Variants in NLGN4X observed in about 807,000 individuals in gnomAD.
The protein encoded by NLGN4X is neuroligin 4 X-linked, also known as neuroligin-4, X-linked.
NLGN4X carries 3 observed loss-of-function variants against 40.3 expected under a neutral mutation model. The ratio of observed to expected loss-of-function variants is 0.07; its 90% CI spans 0.03 to 0.19. The LOEUF is 0.19. NLGN4X is among the 10% of genes least tolerant of loss of function. The pLI is 1.00. For synonymous variants in NLGN4X, 270 were observed against 306.8 expected, an observed-to-expected ratio of 0.88 and a Z score of 1.25; for missense variants, 382 against 708.3, an observed-to-expected ratio of 0.54 and a Z score of 5.23.
At chrX:5,967,372 C>T (rs1238530917) in intron 3 of NLGN4X, among the ~76,000 whole-genome samples, 1 of 111,909 alleles carries the variant, frequency 8.9e-6, no homozygotes, top group Non-Finnish European at 1.9e-5. Context: ...GGAACTAGAA[C>T]ATGCTTTGGA....
chrX:6,061,814 C>G (rs962294913), intron 2 of NLGN4X: 1 of 111,676 alleles, frequency 9.0e-6, no homozygotes, highest in East Asian at 2.8e-4. Context: ...CTTTTTCCCC[C>G]CTTCACTTCC....
chrX:6,062,851 A>G (rs2037804785), intron 2 of NLGN4X, among the ~76,000 whole-genome samples: 1 of 111,067 alleles, frequency 9.0e-6, no homozygotes, highest in Non-Finnish European at 1.9e-5. Context: ...CTGTGAGTCC[A>G]CTAAAACTCT....
intron 2 of NLGN4X, chrX:6,032,731 G>T (rs774170669): frequency 1.7e-6 from 2 of 1,187,484 alleles, no homozygotes; most frequent in Non-Finnish European, 2.3e-6. Flanking sequence ...TATCATCTGC[G>T]TTTTTCTTTG....
intron 2 of NLGN4X, among the ~76,000 whole-genome samples, chrX:6,080,112 GAA>G (rs201004365): frequency 3.2e-5 from 2 of 63,438 alleles, no homozygotes; most frequent in African/African-American, 5.4e-5. Flanking sequence ...CTAGAAACCA[GAA>G]AAAAAAAAAA....
chrX:5,941,107 G>A (rs1038600529), intron 3 of NLGN4X, among the ~76,000 whole-genome samples: 2 of 98,846 alleles, frequency 2.0e-5, no homozygotes, highest in Non-Finnish European at 4.1e-5. Flanking sequence ...CAGCGTGGGT[G>A]ACAGAGTGAG....
intron 2 of NLGN4X, among the ~76,000 whole-genome samples, chrX:6,099,886 G>A (rs1001305450): frequency 1.8e-5 from 2 of 111,338 alleles, no homozygotes; most frequent in Non-Finnish European, 3.8e-5. Context: ...AGCTCGGTCC[G>A]GGAGACCCTA....
At chrX:6,031,990 G>A (rs1271629275) in intron 2 of NLGN4X, among the ~76,000 whole-genome samples, 1 of 109,940 alleles carries the variant, frequency 9.1e-6, no homozygotes, top group Non-Finnish European at 1.9e-5. Flanking sequence ...CAAAAAAGCC[G>A]TGGTGTGAAA....
intron 3 of NLGN4X, among the ~76,000 whole-genome samples, chrX:6,011,598 G>A (rs997347434): frequency 8.1e-5 from 9 of 110,708 alleles, no homozygotes; most frequent in African/African-American, 2.6e-4. Context: ...TTTAGGTATC[G>A]TTTTTCTCCA....
At chrX:5,934,356 G>C (rs2033663230) in intron 3 of NLGN4X, among the ~76,000 whole-genome samples, 1 of 111,262 alleles carries the variant, frequency 9.0e-6, no homozygotes. Context: ...ATAAAACAGA[G>C]AAAACCCCTT....
Position 5,892,949 on chromosome X carries a change from A to G in NLGN4X, c.2319T>C (p.Leu773=). The G allele has an allele frequency of 8.3e-7, 1 of 1,211,575 alleles. No homozygotes were observed. The highest frequency in any genetic ancestry group is 1.1e-6 in the Non-Finnish European group (1 of 895,497). Residue 773 remains leucine, a synonymous_variant, in exon 6 of 6, where the codon CTT becomes CTC. Coordinates refer to ENST00000381095, the MANE Select transcript of NLGN4X (RefSeq NM_181332.3). Reference sequence around the variant, plus strand: ...TCATGGTGATGGTGTTTGGCGTCATAAGTGGGATGTCATCTGGCGACCGGC... The same window carrying G: ...TCATGGTGATGGTGTTTGGCGTCATGAGTGGGATGTCATCTGGCGACCGGC... ...TLRRSPDDIP[L]MTPNTITMIP...
intron 3 of NLGN4X, among the ~76,000 whole-genome samples, chrX:5,947,581 T>A (rs984693455): frequency 5.4e-5 from 6 of 111,937 alleles, no homozygotes; most frequent in Admixed American, 9.5e-5. Flanking sequence ...AGGAAAAAAA[T>A]ATATTCTGAA....
At chrX:6,085,069 C>T (rs2038463148) in intron 2 of NLGN4X, among the ~76,000 whole-genome samples, 1 of 108,512 alleles carries the variant, frequency 9.2e-6, no homozygotes, top group South Asian at 4.2e-4. Context: ...TCTGGATGCA[C>T]CCTTAGCTGA....
At chrX:6,049,808 C>G (rs1460230459) in intron 2 of NLGN4X, among the ~76,000 whole-genome samples, 1 of 109,051 alleles carries the variant, frequency 9.2e-6, no homozygotes, top group African/African-American at 3.3e-5. Context: ...TTTTTTAAAT[C>G]TTAAAAATGG....
intron 3 of NLGN4X, among the ~76,000 whole-genome samples, chrX:5,938,377 G>A (rs2033801836): frequency 9.1e-6 from 1 of 109,745 alleles, no homozygotes; most frequent in Non-Finnish European, 1.9e-5. Flanking sequence ...ATGGGTCGGA[G>A]AATTTGGGGG....
chrX:5,934,763 C>T (rs1212367045), intron 3 of NLGN4X, among the ~76,000 whole-genome samples: 3 of 112,107 alleles, frequency 2.7e-5, no homozygotes, highest in Non-Finnish European at 3.8e-5. Context: ...AGCAGACAGA[C>T]AAATGCAGAA....
chrX:6,166,456 C>A (rs1039836225), intron 1 of NLGN4X, among the ~76,000 whole-genome samples: 19 of 111,290 alleles, frequency 1.7e-4, no homozygotes, highest in Non-Finnish European at 3.4e-4. Flanking sequence ...TCCTTTTATG[C>A]GTTATTTACC....
intron 1 of NLGN4X, among the ~76,000 whole-genome samples, chrX:6,224,977 CATATATATATATATATATAT>C (rs34139921): frequency 6.5e-4 from 34 of 52,314 alleles, no homozygotes; most frequent in Admixed American, 5.8e-3. Flanking sequence ...TTAAAATGGC[CATATATATATATATATATAT>C]ATATATATAT....
intron 2 of NLGN4X, among the ~76,000 whole-genome samples, chrX:6,065,650 C>G (rs2037894166): frequency 9.0e-6 from 1 of 110,804 alleles, no homozygotes; most frequent in South Asian, 3.8e-4. Context: ...AGTGCAATGT[C>G]TACTGAACTC....
At chrX:6,210,277 T>C (rs1191949761) in intron 1 of NLGN4X, among the ~76,000 whole-genome samples, 1 of 75,629 alleles carries the variant, frequency 1.3e-5, no homozygotes, top group African/African-American at 7.1e-5. Flanking sequence ...TGTGTGTGTA[T>C]GTATGTAATG....
Sources: gnomAD v4.1 joint callset for allele counts (sites outside exome capture counted in the v4.1 genomes callset) on GRCh38, gnomAD v4.1.1 for gene constraint, MANE v1.5 for transcripts, NCBI Gene and HGNC (gene_info 2026-07-23, HGNC 2026-07-21) for gene names.